ARID1B: variants seen among roughly 807,000 people sequenced by gnomAD.
ARID1B encodes the protein AT-rich interaction domain 1B.
A neutral mutation model predicts 212.3 loss-of-function variants in ARID1B; 30 were observed. The observed-to-expected ratio is 0.14, with a 90% CI of 0.11 to 0.19. ARID1B has a LOEUF of 0.19. ARID1B is among the 10% of genes least tolerant of loss of function. ARID1B has a pLI of 1.00. For missense variants in ARID1B, 2,891 were observed against 3,204.0 expected (o/e 0.90, Z 2.36); for synonymous variants, 1,402 against 1,301.7 (o/e 1.08, Z -1.66).
In ARID1B at chr6:156,778,342, A is replaced by G. The variant is rs561130072; in HGVS notation, c.662A>G (p.Asn221Ser). The part of the protein sequence containing the change: ...QQQQHPISNN[N>S]SLGGAGGGAP... ...CAGCAACATCCCATTTCCAACAACA[A>G]CAGCTTGGGCGGCGCGGGCGGCGGC... Residue 221 changes from asparagine (N) to serine (S), a missense_variant, in exon 1 of 20, where the codon AAC becomes AGC. By Grantham distance (46) the Asn-to-Ser change is conservative. Around this residue, in one of 7 missense-constraint regions of ARID1B, gnomAD observed 1,643 missense variants for 1,544.0 expected, o/e 1.06. Transcript: ENST00000636930. 4.6e-5 allele frequency: 71 copies of G among 1,534,896 alleles called. No homozygotes were observed. The highest frequency in any genetic ancestry group is 6.0e-5 in the South Asian group (5 of 83,860).
intron 1 of ARID1B, 96 bp downstream of exon 1, chr6:156,779,567 C>A (rs1349134177): frequency 8.9e-7 from 1 of 1,124,382 alleles, no homozygotes; most frequent in African/African-American, 1.7e-5. Context: ...TCCCCGTCTT[C>A]CCGCGGGGGC....
chr6:157,021,285 A>C (rs754752092), intron 4 of ARID1B, among the ~76,000 whole-genome samples: 1 of 152,074 alleles, frequency 6.6e-6, no homozygotes, highest in African/African-American at 2.4e-5. Flanking sequence ...GCCCGCGCCC[A>C]CGGAAGAAGC....
intron 4 of ARID1B, among the ~76,000 whole-genome samples, chr6:156,997,725 A>G (rs1431419332): frequency 6.6e-6 from 1 of 150,460 alleles, no homozygotes. Context: ...CATCATTTCT[A>G]GAACTTTATA....
rs372542029 is a variant in ARID1B, at chr6:157,190,840, G to A, written c.4231+630G>A. 1.1e-3 allele frequency among the ~76,000 whole-genome samples: 163 copies of A among 152,288 alleles called. No homozygotes were observed. The highest frequency in any genetic ancestry group is 3.7e-3 in the African/African-American group (152 of 41,562). Reference sequence around the variant, plus strand: ...ACAGATAGCAGTGGCACTGGGTGGCGCGGTGGGAGAGAGGGAAAGCGATTT... The same window carrying A: ...ACAGATAGCAGTGGCACTGGGTGGCACGGTGGGAGAGAGGGAAAGCGATTT... On this transcript the variant is annotated intron_variant, in intron 15 of 19. Transcript: ENST00000636930. This position sits in a 1 kb window ranked among gnomAD's most constrained non-coding sequence, Gnocchi z 4.6.
chr6:157,139,281 G>T (rs1479085543), intron 7 of ARID1B, among the ~76,000 whole-genome samples: 1 of 152,196 alleles, frequency 6.6e-6, no homozygotes, highest in Non-Finnish European at 1.5e-5. Context: ...TTAAGACAGC[G>T]GTGGGTGGCA....
chr6:156,786,601 G>A (rs1018004521), intron 1 of ARID1B, among the ~76,000 whole-genome samples: 2 of 152,252 alleles, frequency 1.3e-5, no homozygotes, highest in Non-Finnish European at 1.5e-5. Flanking sequence ...GAAATGAACT[G>A]TTACTTAAGA....
intron 4 of ARID1B, among the ~76,000 whole-genome samples, chr6:157,063,558 C>T (rs1270725293): frequency 6.6e-6 from 1 of 151,996 alleles, no homozygotes. Context: ...TCTATTATAC[C>T]ATAAGAATTG....
rs1279209560 is a variant in ARID1B at position 156,778,425 on chromosome 6, G to C, written c.745G>C (p.Ala249Pro). Residue 249 changes from alanine to proline, a missense_variant, in exon 1 of 20, where the codon GCT becomes CCT. By Grantham distance (27) the Ala-to-Pro change is conservative (BLOSUM62 -1). Around this residue, in one of 7 missense-constraint regions of ARID1B, gnomAD observed 1,643 missense variants for 1,544.0 expected, o/e 1.06. Transcript: ENST00000636930. The part of the protein sequence containing the change: ...QPQHGGAKDS[A>P]AGGQADPPGP... ...GCAACATGGAGGCGCCAAGGACAGT[G>C]CTGCGGGCGGCCAGGCCGACCCCCC... 6.7e-7 allele frequency: 1 copy of C among 1,492,562 alleles called. No homozygotes were observed. Among genetic ancestry groups the C allele is most frequent in the African/African-American group, 1.4e-5 (1 of 69,784 alleles). 92.5% of individuals were successfully genotyped at this position (1,492,562 alleles called of 1,614,324 possible).
At chr6:156,919,259 G>C (rs1053658182) in intron 3 of ARID1B, among the ~76,000 whole-genome samples, 2 of 151,906 alleles carry the variant, frequency 1.3e-5, no homozygotes, top group African/African-American at 4.8e-5. Context: ...AGCATTTTTG[G>C]CTTTTAATGG....
At chr6:156,897,249 C>CTTATTATTATTATTATTA (rs1165510857) in intron 2 of ARID1B, among the ~76,000 whole-genome samples, 14 of 100,816 alleles carry the variant, frequency 1.4e-4, no homozygotes, top group African/African-American at 3.5e-4. Flanking sequence ...TCTTCTTCTT[C>CTTATTATTATTATTATTA]TTCTTCTTCT....
chr6:157,043,831 G>A (rs769593964), intron 4 of ARID1B, among the ~76,000 whole-genome samples: 1 of 152,140 alleles, frequency 6.6e-6, no homozygotes, highest in African/African-American at 2.4e-5. Flanking sequence ...GGTATGGCTG[G>A]CATCAAAAAC....
chr6:156,876,074 C>T (rs928293736), intron 2 of ARID1B, among the ~76,000 whole-genome samples: 1 of 152,066 alleles, frequency 6.6e-6, no homozygotes, highest in African/African-American at 2.4e-5. Flanking sequence ...GAAGTTGGGT[C>T]TCTGAAAAAA....
At chr6:157,005,884 C>T (rs1426417685) in intron 4 of ARID1B, among the ~76,000 whole-genome samples, 1 of 152,100 alleles carries the variant, frequency 6.6e-6, no homozygotes, top group Admixed American at 6.5e-5. Flanking sequence ...GGTCGCTTTC[C>T]ATTAATAGCT....
At position 156,906,638 on chromosome 6, in the gene ARID1B, T is replaced by TGGGCACCTGTTGTTTC. The variant is rs1319281414; in HGVS notation, c.2136+5120_2136+5135dup. The stretch of plus-strand genomic sequence containing the variant: ...CATTTTTGTCATCAGCAAGTGGCCT[T>TGGGCACCTGTTGTTTC]GGGCACCTGTTGTTTCGGGCACTGT... On this transcript the variant is annotated intron_variant, in intron 3 of 19. Transcript: ENST00000636930. Among the ~76,000 whole-genome samples the TGGGCACCTGTTGTTTC allele has an allele frequency of 5.4e-5, 8 of 149,422 alleles. No individual in the cohort carries two copies. In the East Asian group the frequency reaches 1.6e-3, roughly 30 times the overall value.
intron 1 of ARID1B, among the ~76,000 whole-genome samples, chr6:156,828,408 A>T (rs1276585755): frequency 2.0e-5 from 3 of 152,132 alleles, no homozygotes; most frequent in Non-Finnish European, 4.4e-5. Context: ...GGAAGGAAGG[A>T]GCTGCTGGGT....
chr6:156,790,255 A>C (rs1779920195), intron 1 of ARID1B, among the ~76,000 whole-genome samples: 1 of 152,260 alleles, frequency 6.6e-6, no homozygotes, highest in Non-Finnish European at 1.5e-5. Context: ...GTAAACATTT[A>C]GTGACGTTGG....
In ARID1B at chr6:156,778,646, T is replaced by A; in HGVS notation, c.966T>A (p.Pro322=). ...EFNNYYGSAA[P]ASGGPGGRAG... ...ATAATTACTATGGCAGCGCTGCCCCTGCGAGCGGCGGCCCCGGCGGCCGCG... is the reference window on the plus strand; with the variant it reads ...ATAATTACTATGGCAGCGCTGCCCCAGCGAGCGGCGGCCCCGGCGGCCGCG... The change falls in exon 1 of 20, where the codon CCT becomes CCA. Residue 322 remains proline, a synonymous_variant. Transcript: ENST00000636930. The A allele has an allele frequency of 3.4e-6, 5 of 1,469,184 alleles. No individual in the cohort carries two copies. Among genetic ancestry groups the A allele is most frequent in the Non-Finnish European group, 4.5e-6 (5 of 1,105,926 alleles). 91.0% of individuals were successfully genotyped at this position (1,469,184 alleles called of 1,614,324 possible). A position where few individuals can be genotyped will look rare whatever the true frequency, so the allele number is the denominator to read the frequency against.
At chr6:157,120,795 T>C (rs1787655952) in intron 6 of ARID1B, among the ~76,000 whole-genome samples, 2 of 152,228 alleles carry the variant, frequency 1.3e-5, no homozygotes, top group South Asian at 4.1e-4. Context: ...TGCTTGCTTT[T>C]CGGTGGCTTC....
intron 4 of ARID1B, among the ~76,000 whole-genome samples, chr6:157,042,643 C>T (rs560342913): frequency 6.7e-6 from 1 of 148,998 alleles, no homozygotes; most frequent in South Asian, 2.1e-4. Flanking sequence ...CACAAGATCA[C>T]AGGAGCCCTC....
Sources: gnomAD v4.1 joint callset for allele counts (sites outside exome capture counted in the v4.1 genomes callset) on GRCh38, gnomAD v4.1.1 for gene constraint, gnomAD v4.1.1 regional missense constraint, Gnocchi (gnomAD v3.1) non-coding constraint, MANE v1.5 for transcripts, NCBI Gene and HGNC (gene_info 2026-07-23, HGNC 2026-07-21) for gene names.